The following SHTN1 variants were observed in gnomAD, a reference collection of about 807,000 sequenced individuals.
SHTN1 encodes shootin 1.
SHTN1 carries 42 observed loss-of-function variants against 83.1 expected under a neutral mutation model. The observed-to-expected ratio is 0.51, with a 90% CI of 0.39 to 0.65. The LOEUF is 0.65. SHTN1 is among the 30% of genes least tolerant of loss of function. SHTN1 has a pLI of 0.00. For synonymous variants in SHTN1, 224 were observed against 247.7 expected (o/e 0.90, Z 0.90); for missense variants, 622 against 737.8 (o/e 0.84, Z 1.82).
At chr10:116,910,274 A>G (rs574028390) in intron 14 of SHTN1, among the ~76,000 whole-genome samples, 8 of 152,348 alleles carry the variant, frequency 5.3e-5, no homozygotes, top group South Asian at 2.1e-4. Context: ...TAAAGAAGTA[A>G]TATTGTCAGA....
intron 2 of SHTN1, among the ~76,000 whole-genome samples, chr10:117,043,747 T>G (rs2133582542): frequency 6.6e-6 from 1 of 152,050 alleles, no homozygotes. Flanking sequence ...GAAGCTGAGC[T>G]GGGAGTATCA....
chr10:117,044,606 G>C lies in SHTN1; in HGVS notation c.-123+3839C>G. On this transcript the variant is annotated intron_variant, in intron 2 of 17. Transcript: ENST00000392901. ...AATCAAAGAAGTAATTTAGTAGGGA[G>C]TCTATAAGTACCCAAATAACAGGAC... Among the ~76,000 whole-genome samples the C allele has an allele frequency of 1.3e-5, 2 of 152,128 alleles. 1 individual carries two copies. The highest frequency in any genetic ancestry group is 2.9e-5 in the Non-Finnish European group (2 of 68,010).
At position 116,929,962 on chromosome 10, in the gene SHTN1, T is replaced by A; in HGVS notation, c.899A>T (p.His300Leu). Residue 300 changes from histidine to leucine, a missense_variant, in exon 10 of 17, where the codon CAC becomes CTC. Around this residue, in one of 3 missense-constraint regions of SHTN1, gnomAD observed 383 missense variants for 455.8 expected, o/e 0.84. Transcript: ENST00000355371. ...LEEQLENETL[H>L]KEIHNLKQQL... ...CTGTTTGAGGTTGTGTATTTCTTTG[T>A]GGAGTGTTTCATTTTCTAGTTGCTC... 1 of 1,605,634 alleles carries A rather than the reference T, an allele frequency of 6.2e-7. No homozygotes were observed. The highest frequency in any genetic ancestry group is 8.5e-7 in the Non-Finnish European group (1 of 1,175,702).
At chr10:116,945,994 A>G (rs114329256) in intron 7 of SHTN1, among the ~76,000 whole-genome samples, 99 of 152,272 alleles carry the variant, frequency 6.5e-4, no homozygotes, top group African/African-American at 2.1e-3. Flanking sequence ...CCATTTACAT[A>G]GAGTTCAAAA....
At position 117,125,373 on chromosome 10, in the gene SHTN1, T is replaced by C. The variant is rs563924340; in HGVS notation, c.-189+934A>G. ...ATTAATGTGTTAACTAACTTGTTTC[T>C]CATCCCATCACTGATGAGACACCTA... is the stretch of plus-strand genomic sequence containing the variant. On this transcript the variant is annotated intron_variant, in intron 1 of 17. Coordinates refer to the SHTN1 transcript ENST00000392901. Among the ~76,000 whole-genome samples the C allele has an allele frequency of 1.0e-3, 152 of 152,298 alleles. 1 individual carries two copies. Among genetic ancestry groups the C allele is most frequent in the African/African-American group, 3.5e-3 (146 of 41,552 alleles).
At chr10:116,900,588 A>T in intron 16 of SHTN1, 1 of 1,531,854 alleles carries the variant, frequency 6.5e-7, no homozygotes, top group Non-Finnish European at 8.7e-7. Flanking sequence ...ACACTGAAGC[A>T]TTTATCAGAA....
intron 16 of SHTN1, among the ~76,000 whole-genome samples, chr10:116,889,987 G>T (rs927677848): frequency 6.6e-6 from 1 of 151,982 alleles, no homozygotes; most frequent in Non-Finnish European, 1.5e-5. Flanking sequence ...CATTCCTATC[G>T]TATGGGAAGA....
At chr10:116,981,084 CG>C (rs1300860203) in intron 1 of SHTN1, among the ~76,000 whole-genome samples, 5 of 151,960 alleles carry the variant, frequency 3.3e-5, no homozygotes, top group Non-Finnish European at 7.4e-5. Flanking sequence ...TTTGGTAGGC[CG>C]AGGTGGGCAG....
chr10:117,108,360 T>C (rs1589935618), intron 1 of SHTN1, among the ~76,000 whole-genome samples: 1 of 152,032 alleles, frequency 6.6e-6, no homozygotes, highest in South Asian at 2.1e-4. Context: ...ATATACACCA[T>C]GGAATACTAT....
intron 3 of SHTN1, among the ~76,000 whole-genome samples, chr10:116,962,806 T>C (rs1390317240): frequency 1.3e-5 from 2 of 152,106 alleles, no homozygotes; most frequent in Non-Finnish European, 2.9e-5. Flanking sequence ...TAGACATTTT[T>C]TTAAATTGCG....
chr10:116,935,106 GCAAA>G lies in SHTN1; in HGVS notation c.859-5108_859-5105del, dbSNP rs771307290. ...TTCTAAATATACAATCATGTCATCT[GCAAA>G]CAGAGACAATTTGACTTCCTCTCTT... On this transcript the variant is annotated intron_variant, in intron 9 of 16. Transcript: ENST00000355371. Among the ~76,000 whole-genome samples, 37 of 152,318 alleles carry G rather than the reference GCAAA, an allele frequency of 2.4e-4. No homozygotes were observed. In the Middle Eastern group the frequency reaches 0.01, roughly 42 times the overall value.
Position 116,883,742 on chromosome 10 carries a change from T to C in SHTN1, c.*2602A>G, listed in dbSNP as rs1847087212. 1 of 154,994 alleles carries C rather than the reference T, an allele frequency of 6.5e-6. No individual in the cohort carries two copies. Among genetic ancestry groups the C allele is most frequent in the Non-Finnish European group, 1.4e-5 (1 of 69,704 alleles). 9.6% of individuals were successfully genotyped at this position (154,994 alleles called of 1,614,324 possible). On this transcript the variant is annotated 3_prime_UTR_variant, in exon 17 of 17. Coordinates refer to ENST00000355371, the MANE Select transcript of SHTN1 (RefSeq NM_001127211.3). ...TTGGTGAGTAGTTAGAGCCAAAGCA[T>C]CCATCCTCCGTACTCAGGGCAAACT...
At chr10:116,924,818 C>T (rs539951173) in intron 11 of SHTN1, among the ~76,000 whole-genome samples, 1 of 137,394 alleles carries the variant, frequency 7.3e-6, no homozygotes, top group South Asian at 2.4e-4. Flanking sequence ...AGTGCAGTGG[C>T]GCAATCTTGG....
chr10:116,997,622 G>A (rs1189168857), intron 1 of SHTN1, among the ~76,000 whole-genome samples: 1 of 152,136 alleles, frequency 6.6e-6, no homozygotes, highest in East Asian at 1.9e-4. Context: ...AGACCACAGA[G>A]GTAAAACGCC....
chr10:117,056,538 G>A (rs1484289086), intron 1 of SHTN1, among the ~76,000 whole-genome samples: 3 of 152,100 alleles, frequency 2.0e-5, no homozygotes, highest in African/African-American at 7.2e-5. Context: ...GGCTGGGCGT[G>A]GTGGCTCACA....
intron 1 of SHTN1, among the ~76,000 whole-genome samples, chr10:117,084,497 C>A (rs1169528627): frequency 1.3e-5 from 2 of 152,230 alleles, no homozygotes; most frequent in African/African-American, 4.8e-5. Flanking sequence ...TTTTGTTTGT[C>A]TGTGCCCGCC....
chr10:116,922,421 A>G (rs1002342583), intron 11 of SHTN1, among the ~76,000 whole-genome samples: 2 of 151,954 alleles, frequency 1.3e-5, no homozygotes, highest in South Asian at 4.2e-4. Flanking sequence ...AGTAGAGCCA[A>G]AAATATATGT....
intron 1 of SHTN1, among the ~76,000 whole-genome samples, chr10:117,110,462 C>T (rs1444003676): frequency 6.6e-6 from 1 of 152,158 alleles, no homozygotes; most frequent in East Asian, 1.9e-4. Flanking sequence ...AGAAATTCTC[C>T]TGCCTCAGTC....
Position 117,005,181 on chromosome 10 carries a change from C to G in SHTN1, c.-102G>C. 2 of 1,539,532 alleles carry G rather than the reference C, an allele frequency of 1.3e-6. No individual in the cohort carries two copies. Among genetic ancestry groups the G allele is most frequent in the Non-Finnish European group, 1.7e-6 (2 of 1,143,206 alleles). On this transcript the variant is annotated 5_prime_UTR_variant, in exon 1 of 17. Coordinates refer to ENST00000355371, the MANE Select transcript of SHTN1 (RefSeq NM_001127211.3). ...AAGATGCCGGTGGCTTGCGGCTCCACTACCCGGAAGTTGGATCCGCTCCCG... is the reference window on the plus strand; with the variant it reads ...AAGATGCCGGTGGCTTGCGGCTCCAGTACCCGGAAGTTGGATCCGCTCCCG...
Sources: allele counts gnomAD v4.1 joint callset (sites outside exome capture counted in the v4.1 genomes callset), GRCh38; gene constraint gnomAD v4.1.1; regional missense constraint gnomAD v4.1.1; transcripts MANE v1.5; gene names NCBI Gene and HGNC (gene_info 2026-07-23, HGNC 2026-07-21).